Variants in GANC observed in about 807,000 individuals in gnomAD.
GANC encodes the protein glucosidase alpha, neutral C.
Under a neutral mutation model 124.2 loss-of-function variants are expected in GANC, and 117 were observed. The observed-to-expected ratio is 0.94, with a 90% CI of 0.81 to 1.10. GANC has a LOEUF of 1.10. Among genes scored for constraint, GANC ranks in the 50% least tolerant of loss-of-function variants. The pLI is 0.00. For synonymous variants in GANC, 377 were observed against 376.8 expected (o/e 1.00, Z -0.01); for missense variants, 1,140 against 1,095.0 (o/e 1.04, Z -0.58).
chr15:42,314,206 A>G, intron 10 of GANC: 2 of 753,542 alleles, frequency 2.7e-6, no homozygotes, highest in Non-Finnish European at 4.9e-6. Context: ...TATTCCCCAC[A>G]AGGAGTTCCT....
chr15:42,282,321 C>CA (rs201676012), intron 3 of GANC, among the ~76,000 whole-genome samples: 2 of 149,800 alleles, frequency 1.3e-5, no homozygotes, highest in African/African-American at 2.5e-5. Context: ...GACTCTGTCT[C>CA]AAAAAAAAAA....
In GANC at chr15:42,306,540, C is replaced by A; in HGVS notation, c.559-6C>A. 4 of 1,605,784 alleles carry A rather than the reference C, an allele frequency of 2.5e-6. No individual in the cohort carries two copies. Among genetic ancestry groups the A allele is most frequent in the Non-Finnish European group, 3.4e-6 (4 of 1,177,100 alleles). ...ACTCAGTTTGCTCCCTTTTTTGTAC[C>A]AACAGGAAAATCAAGAAGATCTGGG... On this transcript the variant is annotated splice_polypyrimidine_tract_variant and splice_region_variant and intron_variant, in intron 6 of 23. Coordinates refer to ENST00000318010, the MANE Select transcript of GANC (RefSeq NM_198141.3).
Position 42,340,833 on chromosome 15 carries a change from C to T in GANC, c.2152+79C>T, listed in dbSNP as rs2052324739. 7.3e-6 allele frequency: 8 copies of T among 1,099,602 alleles called. 1 individual carries two copies. The highest frequency in any genetic ancestry group is 4.1e-5 in the South Asian group (3 of 73,624). The allele number at this position is 1,099,602 out of a possible 1,614,324, so 68.1% of individuals were successfully genotyped here. ...CTAGGCTGGAGTGCAGTGATGCTAT[C>T]TCGGCTCACTGCAACCTCCGCCTCC... On this transcript the variant is annotated intron_variant, in intron 18 of 23. Transcript: ENST00000318010.
rs1262177820 is a variant in GANC at position 42,326,436 on chromosome 15, C to T, written c.1420+12C>T. 3.1e-6 allele frequency: 5 copies of T among 1,613,648 alleles called. No individual in the cohort carries two copies. The highest frequency in any genetic ancestry group is 3.4e-6 in the Non-Finnish European group (4 of 1,179,704). The stretch of plus-strand genomic sequence containing the variant: ...GGTGTGTTGGCCAGGTATGAAATCA[C>T]TTTATACACTTATTATTTCCACATG... On this transcript the variant is annotated intron_variant, in intron 12 of 23. Transcript: ENST00000318010.
In GANC at chr15:42,338,264, T is replaced by G. The variant is rs1160983471; in HGVS notation, c.1742-125T>G. ...TCATTGTAGAAAATTAGAATTTATT[T>G]ATTTTAAGGCAAGAAATTGGTTTTC... On this transcript the variant is annotated intron_variant, in intron 15 of 23. Coordinates refer to ENST00000318010, the MANE Select transcript of GANC (RefSeq NM_198141.3). 5.6e-6 allele frequency: 3 copies of G among 531,294 alleles called. No individual in the cohort carries two copies. In the African/African-American group the frequency reaches 5.9e-5, roughly 10 times the overall value. 32.9% of individuals were successfully genotyped at this position (531,294 alleles called of 1,614,324 possible). A position where few individuals can be genotyped will look rare whatever the true frequency, so the allele number is the denominator to read the frequency against.
At chr15:42,306,748 G>T in intron 7 of GANC, 136 bp downstream of exon 7, 1 of 618,200 alleles carries the variant, frequency 1.6e-6, no homozygotes, top group East Asian at 2.8e-5. Context: ...GATCAGATTT[G>T]CTATCCTTCA....
At position 42,352,588 on chromosome 15, in the gene GANC, C is replaced by G; in HGVS notation, c.*449C>G. ...GTGGACAGCAGCCTCTGGTACTCCC[C>G]CCAGTTATCTTCCACCCACATGGAC... On this transcript the variant is annotated 3_prime_UTR_variant, in exon 24 of 24. Coordinates refer to ENST00000318010, the MANE Select transcript of GANC (RefSeq NM_198141.3). 9.9e-7 allele frequency: 1 copy of G among 1,010,186 alleles called. No individual in the cohort carries two copies. Among genetic ancestry groups the G allele is most frequent in the Non-Finnish European group, 1.2e-6 (1 of 843,632 alleles). The allele number at this position is 1,010,186 out of a possible 1,614,324, so 62.6% of individuals were successfully genotyped here. A position where few individuals can be genotyped will look rare whatever the true frequency, so the allele number is the denominator to read the frequency against.
chr15:42,329,291 A>G lies in GANC; in HGVS notation c.1501-15A>G. On this transcript the variant is annotated splice_polypyrimidine_tract_variant and intron_variant, in intron 13 of 23. Coordinates refer to ENST00000318010, the MANE Select transcript of GANC (RefSeq NM_198141.3). Reference sequence around the variant, plus strand: ...CATCAATGTAGGAGTGTCATGACCAAGGTTTACTTCCTAGGGATCTACGGA... The same window carrying G: ...CATCAATGTAGGAGTGTCATGACCAGGGTTTACTTCCTAGGGATCTACGGA... 1.2e-6 allele frequency: 2 copies of G among 1,605,956 alleles called. No individual in the cohort carries two copies. The highest frequency in any genetic ancestry group is 1.7e-6 in the Non-Finnish European group (2 of 1,176,972).
At chr15:42,345,706 G>A (rs2052357805) in intron 19 of GANC, 52 bp from the exon 20 acceptor site, 2 of 1,052,162 alleles carry the variant, frequency 1.9e-6, no homozygotes, top group African/African-American at 1.6e-5. Flanking sequence ...TAATGAAATG[G>A]TGAGCAGAGT....
intron 4 of GANC, among the ~76,000 whole-genome samples, chr15:42,291,377 G>C (rs2051839501): frequency 6.6e-6 from 1 of 152,170 alleles, no homozygotes; most frequent in South Asian, 2.1e-4. Flanking sequence ...TCTGAATGAA[G>C]CTGAGATATC....
chr15:42,280,926 C>T, intron 3 of GANC: 1 of 702,238 alleles, frequency 1.4e-6, no homozygotes. Flanking sequence ...GGTCAGGTGC[C>T]AGGACCAGAG....
At chr15:42,310,183 C>G (rs534326281) in intron 8 of GANC, 100 bp from the exon 9 acceptor site, 2 of 859,526 alleles carry the variant, frequency 2.3e-6, no homozygotes, top group African/African-American at 1.7e-5. Context: ...TCCAAAGATG[C>G]GTGGGACCTA....
intron 12 of GANC, 152 bp downstream of exon 12, chr15:42,326,576 CT>C: frequency 8.4e-7 from 1 of 1,195,966 alleles, no homozygotes; most frequent in Non-Finnish European, 1.2e-6. Context: ...GGTTTGCCTT[CT>C]TTTGTATCTT....
chr15:42,299,772 A>G (rs2051928441), intron 6 of GANC, among the ~76,000 whole-genome samples: 2 of 152,234 alleles, frequency 1.3e-5, no homozygotes, highest in South Asian at 4.1e-4. Flanking sequence ...AGACCAGTGG[A>G]ACAGAACAGA....
rs1373428172 is a variant in GANC at position 42,352,458 on chromosome 15, G to A, written c.*319G>A. ...CAGGGCTGCGTGGGTCTGTTTTAAC[G>A]TGGGCCAAGCCTACCTGGGCAGCCC... On this transcript the variant is annotated 3_prime_UTR_variant, in exon 24 of 24. Coordinates refer to ENST00000318010, the MANE Select transcript of GANC (RefSeq NM_198141.3). 4.7e-6 allele frequency: 5 copies of A among 1,069,654 alleles called. No individual in the cohort carries two copies. The highest frequency in any genetic ancestry group is 3.3e-5 in the African/African-American group (2 of 60,392). The allele number at this position is 1,069,654 out of a possible 1,614,324, so 66.3% of individuals were successfully genotyped here. A position where few individuals can be genotyped will look rare whatever the true frequency, so the allele number is the denominator to read the frequency against.
rs199826780 is a variant in GANC at position 42,339,843 on chromosome 15, G to A, written c.2018G>A (p.Arg673His). 3.5e-5 allele frequency: 56 copies of A among 1,613,964 alleles called. No individual in the cohort carries two copies. The highest frequency in any genetic ancestry group is 1.0e-4 in the Admixed American group (6 of 59,986). ...TRLIREAIRERYGLLPYWYSL... is the reference protein window; with the variant it reads ...TRLIREAIREHYGLLPYWYSL... Reference sequence around the variant, plus strand: ...CTCATCCGAGAAGCCATCAGAGAGCGCTATGGCCTCCTGCCATATTGGTAT... The same window carrying A: ...CTCATCCGAGAAGCCATCAGAGAGCACTATGGCCTCCTGCCATATTGGTAT... Residue 673 changes from arginine to histidine, a missense_variant, in exon 17 of 24, where the codon CGC becomes CAC. Physicochemically the swap from Arg to His is conservative, Grantham distance 29. Coordinates refer to ENST00000318010, the MANE Select transcript of GANC (RefSeq NM_198141.3).
In GANC at chr15:42,316,043, G is replaced by A. The variant is rs148784349; in HGVS notation, c.1057+5197G>A. Among the ~76,000 whole-genome samples, 27 of 152,004 alleles carry A rather than the reference G, an allele frequency of 1.8e-4. No homozygotes were observed. The East Asian group carries it at 5.2e-3, about 29-fold the overall frequency. ...ATTCAATATAAATCCTATTAATTCT[G>A]TTTCTCTGAAAAACCCTGTGTTCTC... On this transcript the variant is annotated intron_variant, in intron 10 of 23. Coordinates refer to ENST00000318010, the MANE Select transcript of GANC (RefSeq NM_198141.3).
At chr15:42,335,369 T>G (rs1209999373) in intron 15 of GANC, among the ~76,000 whole-genome samples, 1 of 152,178 alleles carries the variant, frequency 6.6e-6, no homozygotes, top group Non-Finnish European at 1.5e-5. Flanking sequence ...AAAAACCACA[T>G]GATCATCTCA....
At chr15:42,328,034 A>G (rs978447102) in intron 13 of GANC, among the ~76,000 whole-genome samples, 3 of 152,190 alleles carry the variant, frequency 2.0e-5, no homozygotes, top group African/African-American at 7.2e-5. Context: ...AACCCTCTGA[A>G]GTTGGAACTA....
Sources: allele counts gnomAD v4.1 joint callset (sites outside exome capture counted in the v4.1 genomes callset), GRCh38; gene constraint gnomAD v4.1.1; transcripts MANE v1.5; gene names NCBI Gene and HGNC (gene_info 2026-07-23, HGNC 2026-07-21).